Variants in DLG2 observed in about 807,000 individuals in gnomAD.
DLG2 encodes disks large homolog 2.
A neutral mutation model predicts 132.5 loss-of-function variants in DLG2; 45 were observed. That is an observed-to-expected ratio of 0.34 (90% CI 0.27 to 0.44). The LOEUF (loss-of-function observed/expected upper bound fraction) is 0.44, where lower values mean the gene tolerates loss of function less well. Ranked by LOEUF, DLG2 falls within the 20% of genes least tolerant of loss-of-function variation. DLG2 has a pLI of 1.00. For missense variants in DLG2, 1,045 were observed against 1,196.9 expected, an observed-to-expected ratio of 0.87 and a Z score of 1.87; for synonymous variants, 424 against 419.6, an observed-to-expected ratio of 1.01 and a Z score of -0.13.
At chr11:84,715,934 G>T (rs2061169747) in intron 6 of DLG2, among the ~76,000 whole-genome samples, 1 of 151,984 alleles carries the variant, frequency 6.6e-6, no homozygotes, top group South Asian at 2.1e-4. Flanking sequence ...ATCTAAAAGG[G>T]GATTGCTAGG....
At chr11:85,608,014 A>G (rs1480702021) in intron 2 of DLG2, among the ~76,000 whole-genome samples, 1 of 152,136 alleles carries the variant, frequency 6.6e-6, no homozygotes, top group Non-Finnish European at 1.5e-5. Context: ...AGGACAGGCA[A>G]GGGTGCAGGT....
At chr11:85,474,318 A>T (rs531274002) in intron 3 of DLG2, among the ~76,000 whole-genome samples, 2 of 152,134 alleles carry the variant, frequency 1.3e-5, no homozygotes, top group South Asian at 4.1e-4. Flanking sequence ...AATTACAGAC[A>T]TGAAAATTTG....
chr11:84,772,849 A>G (rs76302185), intron 6 of DLG2, among the ~76,000 whole-genome samples: 1 of 152,162 alleles, frequency 6.6e-6, no homozygotes, highest in Admixed American at 6.5e-5. Flanking sequence ...TATTATAAAG[A>G]TCTAAAGTTA....
intron 3 of DLG2, among the ~76,000 whole-genome samples, chr11:85,394,244 A>G (rs2087078703): frequency 6.6e-6 from 1 of 152,226 alleles, no homozygotes; most frequent in African/African-American, 2.4e-5. Context: ...TGATTTAGCC[A>G]TTCCACTATA....
intron 21 of DLG2, among the ~76,000 whole-genome samples, chr11:83,495,755 C>T (rs2094117920): frequency 6.6e-6 from 1 of 152,138 alleles, no homozygotes; most frequent in Non-Finnish European, 1.5e-5. Flanking sequence ...ATAGCTAAAA[C>T]TGCTTCAACA....
intron 6 of DLG2, among the ~76,000 whole-genome samples, chr11:84,650,865 G>GTATATA (rs1416161421): frequency 2.1e-3 from 185 of 87,740 alleles, no homozygotes; most frequent in African/African-American, 7.7e-3. Flanking sequence ...GTGTGTGTGT[G>GTATATA]TGTGTGTGTA....
At chr11:85,292,294 G>T (rs1161055795) in intron 3 of DLG2, among the ~76,000 whole-genome samples, 1 of 152,050 alleles carries the variant, frequency 6.6e-6, no homozygotes, top group African/African-American at 2.4e-5. Flanking sequence ...CTTAGGCTTT[G>T]TACCAAGAAA....
intron 3 of DLG2, among the ~76,000 whole-genome samples, chr11:85,348,611 T>C (rs2083043489): frequency 6.6e-6 from 1 of 152,050 alleles, no homozygotes; most frequent in African/African-American, 2.4e-5. Context: ...CAAACTGAAG[T>C]TATTATCTCT....
At chr11:85,125,803 TTATACACA>T (rs2075027283) in intron 5 of DLG2, among the ~76,000 whole-genome samples, 1 of 96,304 alleles carries the variant, frequency 1.0e-5, no homozygotes, top group Non-Finnish European at 2.0e-5. Context: ...GTCCCAGACA[TTATACACA>T]CACACACACA....
intron 7 of DLG2, among the ~76,000 whole-genome samples, chr11:84,364,077 T>G (rs1363057500): frequency 6.6e-6 from 1 of 152,116 alleles, no homozygotes; most frequent in Non-Finnish European, 1.5e-5. Flanking sequence ...GGGGATGGCA[T>G]TGAATCTATA....
chr11:85,063,482 A>T (rs1593455764), intron 6 of DLG2, among the ~76,000 whole-genome samples: 2 of 151,836 alleles, frequency 1.3e-5, no homozygotes, highest in Non-Finnish European at 2.9e-5. Flanking sequence ...GGCTCCTAGA[A>T]ATTTTATATA....
chr11:84,042,529 G>C (rs1444837713), intron 11 of DLG2, among the ~76,000 whole-genome samples: 1 of 151,466 alleles, frequency 6.6e-6, no homozygotes. Flanking sequence ...TTTTCCAATG[G>C]CACATTATGG....
rs151259610 is a variant in DLG2 at position 84,391,908 on chromosome 11, A to G, written c.520-140617T>C. Among the ~76,000 whole-genome samples, 634 of 152,232 alleles carry G rather than the reference A, an allele frequency of 4.2e-3. 3 individuals carry two copies. Among genetic ancestry groups the G allele is most frequent in the African/African-American group, 0.014 (589 of 41,554 alleles). On this transcript the variant is annotated intron_variant, in intron 7 of 27. Coordinates refer to ENST00000376104, the MANE Select transcript of DLG2 (RefSeq NM_001142699.3). ...GGGTACAAAGAGAACCATAAGTGCC[A>G]CCAGCGTTAGTTTTCCATTCCATGG... is the stretch of plus-strand genomic sequence containing the variant.
intron 8 of DLG2, among the ~76,000 whole-genome samples, chr11:84,235,908 T>C (rs1040894693): frequency 2.0e-5 from 3 of 152,192 alleles, no homozygotes; most frequent in South Asian, 4.1e-4. Context: ...ACTGTGAAGA[T>C]TGAATAAATT....
intron 6 of DLG2, among the ~76,000 whole-genome samples, chr11:84,560,899 C>T (rs766327682): frequency 6.6e-6 from 1 of 152,048 alleles, no homozygotes; most frequent in Non-Finnish European, 1.5e-5. Flanking sequence ...TTTTAAATAA[C>T]TCCTTCAACA....
intron 6 of DLG2, among the ~76,000 whole-genome samples, chr11:84,932,470 T>C (rs1330041439): frequency 2.6e-5 from 4 of 152,122 alleles, no homozygotes; most frequent in Non-Finnish European, 5.9e-5. Context: ...ACCATGGTGG[T>C]TTTTTGTACC....
In DLG2 at chr11:84,699,699, A is replaced by G. The variant is rs930585859; in HGVS notation, c.358-164968T>C. Among the ~76,000 whole-genome samples, 4 of 151,420 alleles carry G rather than the reference A, an allele frequency of 2.6e-5. No homozygotes were observed. In the East Asian group the frequency reaches 7.8e-4, roughly 29 times the overall value. ...TATCTTCGTCTCCCTCGTTTTCCTA[A>G]TGGGCTGGGTACTGACTCTGCTTTC... On this transcript the variant is annotated intron_variant, in intron 6 of 27. Transcript: ENST00000376104.
intron 6 of DLG2, among the ~76,000 whole-genome samples, chr11:84,630,845 C>T (rs1475692160): frequency 6.6e-6 from 1 of 152,174 alleles, no homozygotes; most frequent in Non-Finnish European, 1.5e-5. Flanking sequence ...TCAGCCTGCA[C>T]TCACTGTTCC....
At chr11:83,757,222 GA>G (rs2153747848) in intron 18 of DLG2, among the ~76,000 whole-genome samples, 1 of 152,324 alleles carries the variant, frequency 6.6e-6, no homozygotes, top group Admixed American at 6.5e-5. Flanking sequence ...GTAAGTGACA[GA>G]GTTGGAATTC....
Sources: allele counts gnomAD v4.1 joint callset (sites outside exome capture counted in the v4.1 genomes callset), GRCh38; gene constraint gnomAD v4.1.1; transcripts MANE v1.5; gene names NCBI Gene and HGNC (gene_info 2026-07-23, HGNC 2026-07-21).